ATP6V1D: variants seen among roughly 807,000 people sequenced by gnomAD.
ATP6V1D encodes V-type proton ATPase subunit D.
In ATP6V1D, 20 loss-of-function variants were observed where a neutral mutation model predicts 39.4. The observed-to-expected ratio is 0.51, with a 90% CI of 0.36 to 0.74. The LOEUF (loss-of-function observed/expected upper bound fraction) is 0.74, where lower values mean the gene tolerates loss of function less well. ATP6V1D is among the 30% of genes least tolerant of loss of function. The probability of loss-of-function intolerance (pLI) is 0.00; values close to 1 mark genes in which losing one functional copy is unlikely to be tolerated. For synonymous variants in ATP6V1D, 100 were observed against 100.5 expected, an observed-to-expected ratio of 0.99 and a Z score of 0.03; for missense variants, 228 against 291.6, an observed-to-expected ratio of 0.78 and a Z score of 1.59.
chr14:67,352,428 A>G (rs2085661067), intron 2 of ATP6V1D, among the ~76,000 whole-genome samples: 1 of 146,256 alleles, frequency 6.8e-6, no homozygotes, highest in South Asian at 2.1e-4. Context: ...CCTTGCCTCA[A>G]AAAAAAAAAA....
At chr14:67,341,970 CAG>C (rs1470249999) in intron 7 of ATP6V1D, among the ~76,000 whole-genome samples, 1 of 151,786 alleles carries the variant, frequency 6.6e-6, no homozygotes, top group Non-Finnish European at 1.5e-5. Flanking sequence ...CTTTGTTAAA[CAG>C]ATGCTTGAAG....
intron 3 of ATP6V1D, among the ~76,000 whole-genome samples, chr14:67,349,814 A>G (rs773377964): frequency 2.6e-5 from 4 of 152,244 alleles, no homozygotes; most frequent in Non-Finnish European, 5.9e-5. Flanking sequence ...AGAAAATTCA[A>G]TGCAAGCTGT....
At chr14:67,341,408 G>A (rs942204971) in intron 7 of ATP6V1D, among the ~76,000 whole-genome samples, 3 of 151,656 alleles carry the variant, frequency 2.0e-5, no homozygotes, top group Admixed American at 6.6e-5. Flanking sequence ...CAGCCGCCCC[G>A]TCTGGGAAGT....
Position 67,340,525 on chromosome 14 carries a change from TA to T in ATP6V1D, c.524-8del, listed in dbSNP as rs33973037. ...TCAATCCGGGGAATGATGACTAGAA[TA>T]AAAAAAAAAATAATATGTGTGAGAA... On this transcript the variant is annotated splice_region_variant and splice_polypyrimidine_tract_variant and intron_variant, in intron 7 of 8. Transcript: ENST00000216442. 615,203 of 1,381,760 alleles carry T rather than the reference TA, an allele frequency of 0.45. 115,695 individuals are homozygous for T. Among genetic ancestry groups the T allele is most frequent in the African/African-American group, 0.81 (57,388 of 70,718 alleles). The allele number at this position is 1,381,760 out of a possible 1,614,324, so 85.6% of individuals were successfully genotyped here. A position where few individuals can be genotyped will look rare whatever the true frequency, so the allele number is the denominator to read the frequency against.
At chr14:67,347,603 G>A (rs1009881701) in intron 4 of ATP6V1D, 150 bp from the exon 5 acceptor site, 39 of 643,868 alleles carry the variant, frequency 6.1e-5, no homozygotes, top group Non-Finnish European at 9.5e-5. Flanking sequence ...CCAGGTTCAA[G>A]CAATTCTCCT....
intron 6 of ATP6V1D, among the ~76,000 whole-genome samples, chr14:67,345,430 G>C (rs570398107): frequency 6.6e-6 from 1 of 151,640 alleles, no homozygotes; most frequent in South Asian, 2.1e-4. Flanking sequence ...GGTGGCACAT[G>C]TCTGTAATCA....
intron 1 of ATP6V1D, among the ~76,000 whole-genome samples, chr14:67,359,334 G>C (rs1418904291): frequency 6.6e-6 from 1 of 152,232 alleles, no homozygotes; most frequent in Non-Finnish European, 1.5e-5. Context: ...CGACGGTTCA[G>C]TTATATAAAT....
chr14:67,354,636 T>C (rs962809329), intron 1 of ATP6V1D, among the ~76,000 whole-genome samples: 1 of 152,180 alleles, frequency 6.6e-6, no homozygotes, highest in Non-Finnish European at 1.5e-5. Flanking sequence ...TATATAGGCA[T>C]GTGCTGTCTA....
chr14:67,338,030 G>A lies in ATP6V1D; in HGVS notation c.*591C>T, dbSNP rs1374622760. On this transcript the variant is annotated 3_prime_UTR_variant, in exon 9 of 9. Coordinates refer to ENST00000216442, the MANE Select transcript of ATP6V1D (RefSeq NM_015994.4). ...TGGCTGACACTACTGATCTGAGCAT[G>A]AGAACATGACTTAACAGTAAATTAA... 2 of 152,230 alleles carry A rather than the reference G, an allele frequency of 1.3e-5. No individual in the cohort carries two copies. The highest frequency in any genetic ancestry group is 2.9e-5 in the Non-Finnish European group (2 of 68,068). 9.4% of individuals were successfully genotyped at this position (152,230 alleles called of 1,614,324 possible). A position where few individuals can be genotyped will look rare whatever the true frequency, so the allele number is the denominator to read the frequency against.
At chr14:67,340,997 G>A (rs1340060832) in intron 7 of ATP6V1D, among the ~76,000 whole-genome samples, 3 of 152,240 alleles carry the variant, frequency 2.0e-5, no homozygotes, top group Non-Finnish European at 2.9e-5. Context: ...CCAGGCTGGA[G>A]TGCAGTGGCG....
At chr14:67,346,696 G>C (rs1322715367) in intron 5 of ATP6V1D, among the ~76,000 whole-genome samples, 1 of 152,208 alleles carries the variant, frequency 6.6e-6, no homozygotes, top group Non-Finnish European at 1.5e-5. Flanking sequence ...GAATGAATAA[G>C]ACAGTTATTT....
chr14:67,358,199 G>A (rs2085699307), intron 1 of ATP6V1D, among the ~76,000 whole-genome samples: 1 of 152,148 alleles, frequency 6.6e-6, no homozygotes, highest in African/African-American at 2.4e-5. Context: ...TTTTGACTGA[G>A]TCATCACGTC....
At chr14:67,355,446 T>C (rs545643610) in intron 1 of ATP6V1D, among the ~76,000 whole-genome samples, 13 of 39,854 alleles carry the variant, frequency 3.3e-4, no homozygotes, top group Admixed American at 1.4e-3. Flanking sequence ...TAAGACCCTG[T>C]CTCAAAAAAA....
At chr14:67,359,610 C>T (rs758260898) in intron 1 of ATP6V1D, 48 bp downstream of exon 1, 1 of 1,610,534 alleles carries the variant, frequency 6.2e-7, no homozygotes, top group Non-Finnish European at 8.5e-7. Context: ...GGACCGCGCT[C>T]CGGGTTCCTA....
intron 8 of ATP6V1D, chr14:67,340,223 G>T (rs1338674476): frequency 2.1e-6 from 1 of 472,378 alleles, no homozygotes; most frequent in Non-Finnish European, 3.8e-6. Flanking sequence ...TCTCTGAAAG[G>T]CCTAAGTTTT....
At chr14:67,344,788 G>T (rs1268575097) in intron 6 of ATP6V1D, among the ~76,000 whole-genome samples, 2 of 151,670 alleles carry the variant, frequency 1.3e-5, no homozygotes, top group African/African-American at 4.8e-5. Flanking sequence ...AGGCTGAGGC[G>T]GGAGACTGCT....
chr14:67,340,944 G>A (rs1306638623), intron 7 of ATP6V1D, among the ~76,000 whole-genome samples: 2 of 152,248 alleles, frequency 1.3e-5, no homozygotes, highest in Admixed American at 6.5e-5. Flanking sequence ...CCGAGGTGCC[G>A]GGATTGCAGA....
chr14:67,355,147 C>G (rs1346338671), intron 1 of ATP6V1D, among the ~76,000 whole-genome samples: 1 of 152,054 alleles, frequency 6.6e-6, no homozygotes, highest in Non-Finnish European at 1.5e-5. Flanking sequence ...ACCACATTTT[C>G]TATTAAAAGT....
chr14:67,347,461 A>T lies in ATP6V1D; in HGVS notation c.308-8T>A, dbSNP rs1404024436. 6.2e-7 allele frequency: 1 copy of T among 1,604,252 alleles called. No individual in the cohort carries two copies. Among genetic ancestry groups the T allele is most frequent in the South Asian group, 1.1e-5 (1 of 90,322 alleles). Reference sequence around the variant, plus strand: ...ATACTGGCAAAGTAACACCTGTTAAACACAGAAGCATACATGGATTCATAA... The same window carrying T: ...ATACTGGCAAAGTAACACCTGTTAATCACAGAAGCATACATGGATTCATAA... On this transcript the variant is annotated splice_polypyrimidine_tract_variant and splice_region_variant and intron_variant, in intron 4 of 8. Coordinates refer to ENST00000216442, the MANE Select transcript of ATP6V1D (RefSeq NM_015994.4).
Sources: allele counts gnomAD v4.1 joint callset (sites outside exome capture counted in the v4.1 genomes callset), GRCh38; gene constraint gnomAD v4.1.1; transcripts MANE v1.5; gene names NCBI Gene and HGNC (gene_info 2026-07-23, HGNC 2026-07-21).